The following CMTM6 variants were observed in gnomAD, a reference collection of about 807,000 sequenced individuals.
CMTM6 encodes the protein CKLF like MARVEL transmembrane domain containing 6, also known as CKLF-like MARVEL transmembrane domain-containing protein 6.
Under a neutral mutation model 13.6 loss-of-function variants are expected in CMTM6, and 5 were observed. The ratio of observed to expected loss-of-function variants is 0.37; its 90% confidence interval spans 0.19 to 0.77. CMTM6 has a LOEUF of 0.77. CMTM6 is among the 30% of genes least tolerant of loss of function. The probability of loss-of-function intolerance (pLI) is 0.50; values close to 1 mark genes in which losing one functional copy is unlikely to be tolerated. For missense variants in CMTM6, 196 were observed against 218.6 expected, an observed-to-expected ratio of 0.90 and a Z score of 0.65; for synonymous variants, 99 against 84.5, an observed-to-expected ratio of 1.17 and a Z score of -0.94.
At chr3:32,491,654 T>C in intron 2 of CMTM6, 56 bp downstream of exon 2, 1 of 1,414,294 alleles carries the variant, frequency 7.1e-7, no homozygotes, top group African/African-American at 1.4e-5. Flanking sequence ...AACAATAAAA[T>C]TATGCCAGAT....
At chr3:32,487,673 C>T (rs1697217107) in intron 3 of CMTM6, 2 of 270,866 alleles carry the variant, frequency 7.4e-6, no homozygotes, top group African/African-American at 2.2e-5. Flanking sequence ...ATAATAAAGT[C>T]AATTTTACCA....
In CMTM6 at chr3:32,482,715, A is replaced by ATTTTT. The variant is rs1697165896; in HGVS notation, c.*1244_*1245insAAAAA. On this transcript the variant is annotated 3_prime_UTR_variant, in exon 4 of 4. Transcript: ENST00000205636. Reference sequence around the variant, plus strand: ...TCTGGGCAGGGTTCCCTGGATATTTACTTTTTTTTTTTTTTTTTTTTGCCA... The same window carrying ATTTTT: ...TCTGGGCAGGGTTCCCTGGATATTTATTTTTCTTTTTTTTTTTTTTTTTTTTGCCA... The ATTTTT allele has an allele frequency of 1.1e-5, 1 of 90,802 alleles. No individual in the cohort carries two copies. Among genetic ancestry groups the ATTTTT allele is most frequent in the African/African-American group, 5.4e-5 (1 of 18,422 alleles). 5.6% of individuals were successfully genotyped at this position (90,802 alleles called of 1,614,324 possible). A position where few individuals can be genotyped will look rare whatever the true frequency, so the allele number is the denominator to read the frequency against.
At position 32,483,924 on chromosome 3, in the gene CMTM6, G is replaced by GTACCC. The variant is rs1188423605; in HGVS notation, c.*35_*36insGGGTA. 3.2e-6 allele frequency: 5 copies of GTACCC among 1,542,216 alleles called. No homozygotes were observed. In the East Asian group the frequency reaches 1.2e-4, roughly 36 times the overall value. On this transcript the variant is annotated 3_prime_UTR_variant, in exon 4 of 4. Transcript: ENST00000205636. Reference sequence around the variant, plus strand: ...CAGGGCTCAGGCACCACAATGCAGGGTCACTACCTTAGGTAACATCTGCTC... The same window carrying GTACCC: ...CAGGGCTCAGGCACCACAATGCAGGGTACCCTCACTACCTTAGGTAACATCTGCTC...
rs776885415 is a variant in CMTM6 at position 32,502,754 on chromosome 3, G to C, written c.-9C>G. The C allele has an allele frequency of 1.4e-6, 2 of 1,425,278 alleles. No homozygotes were observed. Among genetic ancestry groups the C allele is most frequent in the Admixed American group, 2.9e-5 (1 of 34,616 alleles). 88.3% of individuals were successfully genotyped at this position (1,425,278 alleles called of 1,614,324 possible). A position where few individuals can be genotyped will look rare whatever the true frequency, so the allele number is the denominator to read the frequency against. Reference sequence around the variant, plus strand: ...ACCGCTCCGTTCTCCATCGCCTCGGGCCGGGGAGCGCGGCGGCCGCAGCAA... The same window carrying C: ...ACCGCTCCGTTCTCCATCGCCTCGGCCCGGGGAGCGCGGCGGCCGCAGCAA... On this transcript the variant is annotated 5_prime_UTR_variant, in exon 1 of 4. Transcript: ENST00000205636.
rs779344571 is a variant in CMTM6 at position 32,502,707 on chromosome 3, C to T, written c.39G>A (p.Glu13=). ...GGGGGCCTCTGGCGGGGCCCGGGTCCTCCTCCGTAGTGGGGCTGTACACCG... is the reference window on the plus strand; with the variant it reads ...GGGGGCCTCTGGCGGGGCCCGGGTCTTCCTCCGTAGTGGGGCTGTACACCG... ...NGAVYSPTTE[E]DPGPARGPRS... The change falls in exon 1 of 4, where the codon GAG becomes GAA. Residue 13 remains glutamate (E), a synonymous_variant. Transcript: ENST00000205636. 2.5e-5 allele frequency: 39 copies of T among 1,582,054 alleles called. No homozygotes were observed. In the Admixed American group the frequency reaches 3.2e-4, roughly 13 times the overall value.
intron 3 of CMTM6, among the ~76,000 whole-genome samples, chr3:32,486,089 G>GC (rs1309647199): frequency 6.6e-6 from 1 of 152,214 alleles, no homozygotes; most frequent in Non-Finnish European, 1.5e-5. Flanking sequence ...TATTGGCCAA[G>GC]CTGGTCTCAA....
intron 2 of CMTM6, among the ~76,000 whole-genome samples, chr3:32,490,242 CAAA>C (rs567802958): frequency 1.7e-5 from 2 of 114,686 alleles, no homozygotes; most frequent in African/African-American, 3.3e-5. Flanking sequence ...CAAGACTTCT[CAAA>C]AAAAAAAAAA....
At chr3:32,489,104 T>C (rs1697229255) in intron 2 of CMTM6, among the ~76,000 whole-genome samples, 1 of 150,834 alleles carries the variant, frequency 6.6e-6, no homozygotes, top group Non-Finnish European at 1.5e-5. Flanking sequence ...CTGTCTCTAC[T>C]AAAAATACAA....
intron 1 of CMTM6, among the ~76,000 whole-genome samples, chr3:32,500,276 ATTT>A (rs1226375170): frequency 6.6e-6 from 1 of 152,232 alleles, no homozygotes; most frequent in Non-Finnish European, 1.5e-5. Context: ...TAAAGGAAGA[ATTT>A]GAGTTAAGGC....
rs1193260256 is a variant in CMTM6, at chr3:32,502,614, C to T, written c.132G>A (p.Leu44=). ...TCCCTGACCGCGGACTCACCAGCTGCAAGCCCTTGAGAACGCGCCGGAGCA... is the reference window on the plus strand; with the variant it reads ...TCCCTGACCGCGGACTCACCAGCTGTAAGCCCTTGAGAACGCGCCGGAGCA... The part of the protein sequence containing the change: ...LPLLRRVLKG[L]QLLLSLLAFI... The change falls in exon 1 of 4, where the codon TTG becomes TTA. Residue 44 remains leucine (L), a synonymous_variant. Transcript: ENST00000205636. The T allele has an allele frequency of 1.3e-6, 2 of 1,597,144 alleles. No homozygotes were observed. Among genetic ancestry groups the T allele is most frequent in the Admixed American group, 3.5e-5 (2 of 57,964 alleles).
At chr3:32,502,563 C>A (rs745791021) in intron 1 of CMTM6, 45 bp downstream of exon 1, 2 of 1,561,782 alleles carry the variant, frequency 1.3e-6, no homozygotes, top group Middle Eastern at 1.8e-4. Context: ...CCGGGCCAGA[C>A]CCCGCTCCCC....
chr3:32,497,738 G>A (rs711909), intron 1 of CMTM6, among the ~76,000 whole-genome samples: 102 of 151,506 alleles, frequency 6.7e-4, no homozygotes, highest in Non-Finnish European at 1.2e-3. Flanking sequence ...CACGCCTGTA[G>A]TCCCAGCTAC....
intron 3 of CMTM6, 60 bp downstream of exon 3, chr3:32,487,878 C>T: frequency 8.0e-7 from 1 of 1,246,114 alleles, no homozygotes; most frequent in Non-Finnish European, 1.2e-6. Context: ...CAAGTACTCT[C>T]CAAATTCCAT....
In CMTM6 at chr3:32,481,569, G is replaced by A. The variant is rs564679317; in HGVS notation, c.*2391C>T. The A allele has an allele frequency of 6.6e-5, 10 of 151,392 alleles. No individual in the cohort carries two copies. The East Asian group carries it at 1.9e-3, about 29-fold the overall frequency. 9.4% of individuals were successfully genotyped at this position (151,392 alleles called of 1,614,324 possible). A position where few individuals can be genotyped will look rare whatever the true frequency, so the allele number is the denominator to read the frequency against. ...ATAAAATATAAAATTTATCATAACT[G>A]TTAATTTAAAAATTATTTTAAATTT... On this transcript the variant is annotated 3_prime_UTR_variant, in exon 4 of 4. Coordinates refer to ENST00000205636, the MANE Select transcript of CMTM6 (RefSeq NM_017801.3).
chr3:32,486,550 A>G (rs1387416077), intron 3 of CMTM6, among the ~76,000 whole-genome samples: 2 of 152,222 alleles, frequency 1.3e-5, no homozygotes, highest in Non-Finnish European at 2.9e-5. Flanking sequence ...CTACCTTTCT[A>G]AAATCCAGAA....
chr3:32,487,857 G>A, intron 3 of CMTM6, 81 bp downstream of exon 3: 2 of 934,946 alleles, frequency 2.1e-6, no homozygotes, highest in Non-Finnish European at 3.3e-6. Flanking sequence ...CTAACATGCT[G>A]TATAACTTGT....
chr3:32,487,961 T>C lies in CMTM6; in HGVS notation c.391A>G (p.Thr131Ala), dbSNP rs756409048. 6.2e-7 allele frequency: 1 copy of C among 1,613,070 alleles called. No homozygotes were observed. Among genetic ancestry groups the C allele is most frequent in the Non-Finnish European group, 8.5e-7 (1 of 1,179,226 alleles). ...SIIFVSTHDR[T>A]SAEIAAIVFG... ...ACAATTGCAGCAATCTCAGCTGAAG[T>C]CCTGTCATGTGTGGAAACAAAAATG... Residue 131 changes from threonine (T) to alanine (A), a missense_variant, in exon 3 of 4, where the codon ACT (threonine) becomes GCT (alanine). Coordinates refer to ENST00000205636, the MANE Select transcript of CMTM6 (RefSeq NM_017801.3).
intron 3 of CMTM6, among the ~76,000 whole-genome samples, chr3:32,484,888 A>G (rs934502910): frequency 1.3e-5 from 2 of 152,138 alleles, no homozygotes; most frequent in African/African-American, 2.4e-5. Flanking sequence ...AGTCTGTTGC[A>G]GTCTCCTGAC....
At chr3:32,494,875 G>C (rs1312811580) in intron 1 of CMTM6, among the ~76,000 whole-genome samples, 3 of 152,160 alleles carry the variant, frequency 2.0e-5, no homozygotes, top group Non-Finnish European at 2.9e-5. Context: ...GGCTACAAAG[G>C]GGTAGCACAG....
Sources: allele counts gnomAD v4.1 joint callset (sites outside exome capture counted in the v4.1 genomes callset), GRCh38; gene constraint gnomAD v4.1.1; transcripts MANE v1.5; gene names NCBI Gene and HGNC (gene_info 2026-07-23, HGNC 2026-07-21).